Variants in RPS6KB1 observed in about 807,000 individuals in gnomAD.
RPS6KB1 encodes ribosomal protein S6 kinase beta-1.
In RPS6KB1, 12 loss-of-function variants were observed where a neutral mutation model predicts 70.2. The observed-to-expected ratio is 0.17, with a 90% CI of 0.11 to 0.28. RPS6KB1 has a LOEUF of 0.28. Ranked by LOEUF, RPS6KB1 falls within the 10% of genes least tolerant of loss-of-function variation. RPS6KB1 has a pLI of 1.00. For missense variants in RPS6KB1, 270 were observed against 646.6 expected (o/e 0.42, Z 6.32); for synonymous variants, 175 against 211.2 (o/e 0.83, Z 1.49).
chr17:59,897,372 A>G (rs1210535252), intron 1 of RPS6KB1, among the ~76,000 whole-genome samples: 1 of 152,224 alleles, frequency 6.6e-6, no homozygotes. Context: ...ACAGAAATTC[A>G]GCTTGTCTTG....
chr17:59,904,705 T>G (rs1347674182), intron 1 of RPS6KB1, among the ~76,000 whole-genome samples: 1 of 149,122 alleles, frequency 6.7e-6, no homozygotes, highest in Non-Finnish European at 1.5e-5. Flanking sequence ...TCTGTTTTTT[T>G]TTTTTTTTTG....
chr17:59,931,585 A>C (rs375543181), intron 6 of RPS6KB1, 37 bp from the exon 7 acceptor site: 4 of 1,521,630 alleles, frequency 2.6e-6, no homozygotes, highest in Non-Finnish European at 3.6e-6. Flanking sequence ...GATAGATTAC[A>C]CTCTTTTTAA....
chr17:59,937,440 A>G (rs1342702121), intron 12 of RPS6KB1, among the ~76,000 whole-genome samples: 3 of 152,234 alleles, frequency 2.0e-5, no homozygotes, highest in East Asian at 3.8e-4. Context: ...TTATTATCTC[A>G]TAGATCTGGA....
rs1332987085 is a variant in RPS6KB1 at position 59,934,255 on chromosome 17, A to G, written c.774A>G (p.Glu258=). The G allele has an allele frequency of 1.2e-6, 2 of 1,602,840 alleles. No individual in the cohort carries two copies. The highest frequency in any genetic ancestry group is 1.7e-5 in the Admixed American group (1 of 60,000). ...TVTHTFCGTI[E]YMAPEILMRS... is the part of the protein sequence containing the mutation. Reference sequence around the variant, plus strand: ...CACACACATTTTGTGGAACAATAGAATACATGTGAGCTACATGTTAAACAT... The same window carrying G: ...CACACACATTTTGTGGAACAATAGAGTACATGTGAGCTACATGTTAAACAT... The change falls in exon 8 of 15, where the codon GAA becomes GAG. Residue 258 remains glutamate, a synonymous_variant. Coordinates refer to ENST00000225577, the MANE Select transcript of RPS6KB1 (RefSeq NM_003161.4). This position sits in a 1 kb window ranked among gnomAD's most constrained non-coding sequence, Gnocchi z 4.8.
At chr17:59,938,413 TC>T (rs1568493778) in intron 12 of RPS6KB1, among the ~76,000 whole-genome samples, 4 of 112,662 alleles carry the variant, frequency 3.6e-5, no homozygotes, top group Admixed American at 9.3e-5. Flanking sequence ...TTTTTTTTTC[TC>T]CTGTTTGTAA....
rs1423354729 is a variant in RPS6KB1, at chr17:59,934,609, T to C, written c.870+85T>C. 1 of 991,374 alleles carries C rather than the reference T, an allele frequency of 1.0e-6. No individual in the cohort carries two copies. The highest frequency in any genetic ancestry group is 1.6e-5 in the African/African-American group (1 of 62,246). 61.4% of individuals were successfully genotyped at this position (991,374 alleles called of 1,614,324 possible). ...AGACCTGTCCTGTGCTTTCTGAACA[T>C]GTTACCAGTGGAGTTTTCAAAGCCC... On this transcript the variant is annotated intron_variant, in intron 9 of 14. Coordinates refer to ENST00000225577, the MANE Select transcript of RPS6KB1 (RefSeq NM_003161.4). This position sits in a 1 kb window ranked among gnomAD's most constrained non-coding sequence, Gnocchi z 4.8.
Position 59,917,705 on chromosome 17 carries a change from G to A in RPS6KB1, c.381+3002G>A, listed in dbSNP as rs537930640. On this transcript the variant is annotated intron_variant, in intron 4 of 14. Coordinates refer to ENST00000225577, the MANE Select transcript of RPS6KB1 (RefSeq NM_003161.4). The stretch of plus-strand genomic sequence containing the variant: ...GTTCTGTTTTGGCTCCCAAAGTGTT[G>A]GGATTACAGGCATGTGCCACTGTGC... 2.0e-5 allele frequency among the ~76,000 whole-genome samples: 3 copies of A among 152,232 alleles called. No individual in the cohort carries two copies. The South Asian group carries it at 6.2e-4, about 32-fold the overall frequency.
At chr17:59,926,623 C>G in intron 5 of RPS6KB1, 41 bp downstream of exon 5, 1 of 1,480,700 alleles carries the variant, frequency 6.8e-7, no homozygotes, top group Non-Finnish European at 9.3e-7. Flanking sequence ...GCATTTGCTC[C>G]AGAAACTGGG....
intron 2 of RPS6KB1, chr17:59,912,475 C>A: frequency 6.5e-6 from 3 of 458,226 alleles, no homozygotes; most frequent in African/African-American, 1.9e-5. Context: ...ATTGATTGCC[C>A]ATTCTATGAA....
At chr17:59,915,781 T>TTTTA (rs1206891772) in intron 4 of RPS6KB1, among the ~76,000 whole-genome samples, 5 of 112,168 alleles carry the variant, frequency 4.5e-5, no homozygotes, top group African/African-American at 7.0e-5. Context: ...CTATCTTTTT[T>TTTTA]TTTTTTTTTT....
intron 1 of RPS6KB1, among the ~76,000 whole-genome samples, chr17:59,908,195 CA>C (rs1338698452): frequency 3.6e-4 from 54 of 151,036 alleles, no homozygotes; most frequent in African/African-American, 7.3e-5. Flanking sequence ...ACAAAATATA[CA>C]TTTTTTTTTT....
At chr17:59,902,161 G>A (rs2041996872) in intron 1 of RPS6KB1, among the ~76,000 whole-genome samples, 1 of 132,652 alleles carries the variant, frequency 7.5e-6, no homozygotes, top group African/African-American at 3.0e-5. Context: ...CTGGAGTGCA[G>A]TGGTGTGATC....
chr17:59,942,284 C>T (rs1272610010), intron 13 of RPS6KB1, among the ~76,000 whole-genome samples: 1 of 152,184 alleles, frequency 6.6e-6, no homozygotes, highest in Non-Finnish European at 1.5e-5. Context: ...GAATATTTGA[C>T]ATCAAAACAT....
intron 4 of RPS6KB1, among the ~76,000 whole-genome samples, chr17:59,924,839 A>AT (rs869262754): frequency 6.0e-5 from 9 of 149,390 alleles, no homozygotes; most frequent in Admixed American, 2.7e-4. Context: ...TTATTTATTT[A>AT]TTTTTTTGAG....
In RPS6KB1 at chr17:59,949,959, T is replaced by G. The variant is rs2045125451; in HGVS notation, c.*3171T>G. On this transcript the variant is annotated 3_prime_UTR_variant, in exon 15 of 15. Transcript: ENST00000225577. Reference sequence around the variant, plus strand: ...TCTAAGATTATTCCCATGAGAAATGTTGAATTTATGAAGAATAGATTTTAA... The same window carrying G: ...TCTAAGATTATTCCCATGAGAAATGGTGAATTTATGAAGAATAGATTTTAA... 1.3e-5 allele frequency: 2 copies of G among 152,508 alleles called. No homozygotes were observed. The highest frequency in any genetic ancestry group is 2.9e-5 in the Non-Finnish European group (2 of 67,942). The allele number at this position is 152,508 out of a possible 1,614,324, so 9.4% of individuals were successfully genotyped here. A position where few individuals can be genotyped will look rare whatever the true frequency, so the allele number is the denominator to read the frequency against.
intron 1 of RPS6KB1, among the ~76,000 whole-genome samples, chr17:59,899,632 C>CA (rs1353041969): frequency 3.3e-5 from 5 of 151,848 alleles, no homozygotes; most frequent in South Asian, 4.2e-4. Flanking sequence ...GCAACAAAGA[C>CA]AAAAAAAACC....
chr17:59,895,863 G>C (rs2041523142), intron 1 of RPS6KB1, among the ~76,000 whole-genome samples: 1 of 151,862 alleles, frequency 6.6e-6, no homozygotes, highest in Non-Finnish European at 1.5e-5. Flanking sequence ...GAACTCCTGA[G>C]CTCCAGCAAT....
rs1192020268 is a variant in RPS6KB1 at position 59,950,377 on chromosome 17, G to A, written c.*3589G>A. ...TAGTTGACTGTATTATTTGATTTCG[G>A]ATTGAATGAATGTAAATAGAAATTA... On this transcript the variant is annotated 3_prime_UTR_variant, in exon 15 of 15. Transcript: ENST00000225577. 4 of 152,486 alleles carry A rather than the reference G, an allele frequency of 2.6e-5. No homozygotes were observed. Among genetic ancestry groups the A allele is most frequent in the Non-Finnish European group, 5.9e-5 (4 of 67,958 alleles). The allele number at this position is 152,486 out of a possible 1,614,324, so 9.4% of individuals were successfully genotyped here.
At chr17:59,919,487 A>ATT (rs778965516) in intron 4 of RPS6KB1, among the ~76,000 whole-genome samples, 3 of 152,068 alleles carry the variant, frequency 2.0e-5, no homozygotes, top group Non-Finnish European at 4.4e-5. Context: ...TTGTCTGTAG[A>ATT]TCTTTTTTTT....
Sources: allele counts gnomAD v4.1 joint callset (sites outside exome capture counted in the v4.1 genomes callset), GRCh38; gene constraint gnomAD v4.1.1; non-coding constraint Gnocchi (gnomAD v3.1); transcripts MANE v1.5; gene names NCBI Gene and HGNC (gene_info 2026-07-23, HGNC 2026-07-21).